GRIN2A: variants seen among roughly 807,000 people sequenced by gnomAD.
GRIN2A encodes the protein glutamate ionotropic receptor NMDA type subunit 2A, also known as glutamate receptor ionotropic, NMDA 2A.
GRIN2A carries 22 observed loss-of-function variants against 113.4 expected under a neutral mutation model. The observed-to-expected ratio is 0.19, with a 90% confidence interval of 0.14 to 0.28. The LOEUF (loss-of-function observed/expected upper bound fraction) is 0.28. GRIN2A is among the 10% of genes least tolerant of loss of function. The pLI is 1.00. For synonymous variants in GRIN2A, 827 were observed against 738.4 expected (o/e 1.12, Z -1.94); for missense variants, 1,502 against 1,887.0 (o/e 0.80, Z 3.78).
At chr16:10,073,681 G>A (rs191094407) in intron 2 of GRIN2A, among the ~76,000 whole-genome samples, 42 of 151,952 alleles carry the variant, frequency 2.8e-4, no homozygotes, top group Admixed American at 7.2e-4. Context: ...TCATCAAAGG[G>A]CACTATTAAG....
At chr16:10,090,829 C>T (rs1168554904) in intron 2 of GRIN2A, among the ~76,000 whole-genome samples, 2 of 152,052 alleles carry the variant, frequency 1.3e-5, no homozygotes, top group African/African-American at 4.8e-5. Context: ...AGAACTCCTA[C>T]AACTCAATAA....
intron 2 of GRIN2A, among the ~76,000 whole-genome samples, chr16:10,128,091 C>T (rs35181140): frequency 3.3e-5 from 5 of 152,230 alleles, no homozygotes; most frequent in African/African-American, 4.8e-5. Flanking sequence ...TTGTTGGCAA[C>T]GTCCCATGCT....
At chr16:9,771,128 A>G (rs1017681612) in intron 11 of GRIN2A, among the ~76,000 whole-genome samples, 3 of 151,066 alleles carry the variant, frequency 2.0e-5, no homozygotes, top group Non-Finnish European at 2.9e-5. Context: ...GGTTTTAGCC[A>G]CTCTCATAGG....
At chr16:10,128,747 G>C (rs889782084) in intron 2 of GRIN2A, among the ~76,000 whole-genome samples, 5 of 152,184 alleles carry the variant, frequency 3.3e-5, no homozygotes, top group Non-Finnish European at 7.3e-5. Context: ...AGGCTGCTAA[G>C]AAACAGATGC....
chr16:9,813,521 C>CTT lies in GRIN2A; in HGVS notation c.2168+8741_2168+8742dup, dbSNP rs71380937. ...TTTCTTTTTAGTCTGTTTTTTTTGC[C>CTT]TTTTTTTTTTTTCCGTCTCTGAGTT... On this transcript the variant is annotated intron_variant, in intron 10 of 12. Transcript: ENST00000330684. Among the ~76,000 whole-genome samples, 444 of 142,316 alleles carry CTT rather than the reference C, an allele frequency of 3.1e-3. 10 individuals carry two copies. In the East Asian group the frequency reaches 0.054, roughly 17 times the overall value. The allele number at this position is 142,316 out of a possible 152,430, so 93.4% of individuals were successfully genotyped here. A position where few individuals can be genotyped will look rare whatever the true frequency, so the allele number is the denominator to read the frequency against.
At chr16:9,860,159 T>C (rs887367676) in intron 4 of GRIN2A, among the ~76,000 whole-genome samples, 4 of 151,972 alleles carry the variant, frequency 2.6e-5, no homozygotes, top group Non-Finnish European at 4.4e-5. Context: ...TAACAGGAAG[T>C]GGCTTCCAAA....
rs778386295 is a variant in GRIN2A, at chr16:9,938,050, T to C, written c.916A>G (p.Met306Val). ...GGGATGTAGGAGAACTTCTCCAGCA[T>C]AGAAGATGCAGCGGTGGTTAGGATG... ...IGILTTAASSMLEKFSYIPEA... is the reference protein window; with the variant it reads ...IGILTTAASSVLEKFSYIPEA... The change falls in exon 3 of 13, where the codon ATG becomes GTG. Residue 306 changes from methionine (M) to valine (V), a missense_variant. Physicochemically the swap from Met to Val is conservative, Grantham distance 21. This residue lies in a region of GRIN2A where 334 missense variants were observed against 403.0 expected (regional missense o/e 0.83). Coordinates refer to ENST00000330684, the MANE Select transcript of GRIN2A (RefSeq NM_001134407.3). The C allele has an allele frequency of 3.1e-6, 5 of 1,613,970 alleles. No individual in the cohort carries two copies. The highest frequency in any genetic ancestry group is 4.5e-5 in the East Asian group (2 of 44,842).
intron 4 of GRIN2A, among the ~76,000 whole-genome samples, chr16:9,880,178 G>C (rs1439584105): frequency 6.6e-6 from 1 of 152,100 alleles, no homozygotes; most frequent in African/African-American, 2.4e-5. Flanking sequence ...CCACTTCCAA[G>C]CTCACTCAGA....
intron 7 of GRIN2A, among the ~76,000 whole-genome samples, chr16:9,840,410 C>A (rs541430372): frequency 6.6e-6 from 1 of 152,102 alleles, no homozygotes; most frequent in East Asian, 1.9e-4. Context: ...CCCATGATCC[C>A]GTCACCTCCC....
At chr16:9,924,118 A>AC (rs1216985032) in intron 3 of GRIN2A, among the ~76,000 whole-genome samples, 2 of 150,378 alleles carry the variant, frequency 1.3e-5, no homozygotes, top group African/African-American at 4.9e-5. Context: ...CTCAAAAAAA[A>AC]AAAAAAAAAA....
At chr16:9,848,778 A>AT in intron 5 of GRIN2A, among the ~76,000 whole-genome samples, 2 of 100,744 alleles carry the variant, frequency 2.0e-5, no homozygotes, top group Non-Finnish European at 3.6e-5. Context: ...ACTGTTTTAT[A>AT]TATTTAAATA....
chr16:9,905,680 G>A (rs372843106), intron 3 of GRIN2A, among the ~76,000 whole-genome samples: 12 of 152,010 alleles, frequency 7.9e-5, no homozygotes, highest in South Asian at 2.1e-4. Context: ...CAATAAGCCC[G>A]GATCTTCGAA....
At chr16:10,116,859 G>T (rs1162842871) in intron 2 of GRIN2A, among the ~76,000 whole-genome samples, 1 of 152,090 alleles carries the variant, frequency 6.6e-6, no homozygotes, top group East Asian at 1.9e-4. Flanking sequence ...TGCCACTTCA[G>T]GTCTGCCATA....
intron 10 of GRIN2A, among the ~76,000 whole-genome samples, chr16:9,816,485 A>G (rs1376439720): frequency 6.6e-6 from 1 of 152,188 alleles, no homozygotes; most frequent in African/African-American, 2.4e-5. Flanking sequence ...AGACTTGTAC[A>G]TGAAAATCAA....
intron 2 of GRIN2A, among the ~76,000 whole-genome samples, chr16:10,034,535 CAAAAAAAAAAAA>C (rs58076569): frequency 1.4e-4 from 5 of 36,422 alleles, no homozygotes; most frequent in South Asian, 1.2e-3. Flanking sequence ...CAAAAAAAAG[CAAAAAAAAAAAA>C]AAAAAAAAAA....
intron 2 of GRIN2A, among the ~76,000 whole-genome samples, chr16:9,990,440 C>G (rs928317142): frequency 6.6e-6 from 1 of 152,086 alleles, no homozygotes; most frequent in Non-Finnish European, 1.5e-5. Flanking sequence ...AGTGCATTCA[C>G]TACACTACTT....
At position 10,146,713 on chromosome 16, in the gene GRIN2A, G is replaced by T. The variant is rs1299155653; in HGVS notation, c.414+33285C>A. On this transcript the variant is annotated intron_variant, in intron 2 of 12. Transcript: ENST00000330684. ...AGACAGGTGTTGGGAGGTGGCTCCT[G>T]GAGCGTCTGTAGACAGCATTTGCCT... 2.6e-5 allele frequency among the ~76,000 whole-genome samples: 4 copies of T among 152,040 alleles called. 1 individual carries two copies. The highest frequency in any genetic ancestry group is 9.7e-5 in the African/African-American group (4 of 41,384).
intron 2 of GRIN2A, among the ~76,000 whole-genome samples, chr16:10,174,751 A>C (rs895054285): frequency 6.6e-6 from 1 of 152,220 alleles, no homozygotes; most frequent in South Asian, 2.1e-4. Context: ...CTAAAATAAA[A>C]TAATAGACCA....
chr16:10,088,692 G>A (rs1045735241), intron 2 of GRIN2A, among the ~76,000 whole-genome samples: 2 of 152,338 alleles, frequency 1.3e-5, no homozygotes, highest in African/African-American at 4.8e-5. Context: ...CCACTCGGCT[G>A]TGTTGTGCGA....
Sources: allele counts gnomAD v4.1 joint callset (sites outside exome capture counted in the v4.1 genomes callset), GRCh38; gene constraint gnomAD v4.1.1; regional missense constraint gnomAD v4.1.1; transcripts MANE v1.5; gene names NCBI Gene and HGNC (gene_info 2026-07-23, HGNC 2026-07-21).